The following SIPA1L1 variants were observed in gnomAD, a reference collection of about 807,000 sequenced individuals.
The protein encoded by SIPA1L1 is signal induced proliferation associated 1 like 1.
Under a neutral mutation model 162.7 loss-of-function variants are expected in SIPA1L1, and 26 were observed. That is an observed-to-expected ratio of 0.16 (90% CI 0.12 to 0.22). The LOEUF is 0.22. SIPA1L1 is among the 10% of genes least tolerant of loss of function. SIPA1L1 has a pLI of 1.00. For synonymous variants in SIPA1L1, 829 were observed against 837.4 expected (o/e 0.99, Z 0.17); for missense variants, 1,874 against 2,241.0 (o/e 0.84, Z 3.31).
chr14:71,418,500 C>T (rs1446262275), intron 2 of SIPA1L1, among the ~76,000 whole-genome samples: 2 of 152,136 alleles, frequency 1.3e-5, no homozygotes, highest in Non-Finnish European at 2.9e-5. Context: ...CCCCTACTGT[C>T]CCTATTTGAC....
At chr14:71,333,051 A>G (rs1041550390) in intron 2 of SIPA1L1, among the ~76,000 whole-genome samples, 2 of 152,210 alleles carry the variant, frequency 1.3e-5, no homozygotes, top group African/African-American at 2.4e-5. Flanking sequence ...AAACCAATCA[A>G]CATTTAAACT....
intron 4 of SIPA1L1, among the ~76,000 whole-genome samples, chr14:71,541,220 T>C (rs2054352380): frequency 6.6e-6 from 1 of 152,234 alleles, no homozygotes; most frequent in Admixed American, 6.5e-5. Context: ...GTTAAGTTAG[T>C]TCCTTTATTG....
intron 22 of SIPA1L1, 146 bp from the exon 23 acceptor site, chr14:71,738,095 T>A: frequency 2.1e-6 from 1 of 483,836 alleles, no homozygotes; most frequent in Non-Finnish European, 3.6e-6. Context: ...GTAAAAATAC[T>A]CATTGGGTCG....
At chr14:71,404,616 T>C (rs951318011) in intron 2 of SIPA1L1, among the ~76,000 whole-genome samples, 5 of 152,234 alleles carry the variant, frequency 3.3e-5, no homozygotes, top group South Asian at 2.1e-4. Flanking sequence ...ACTTAAGTTA[T>C]ACATTTTTAT....
chr14:71,712,057 A>G (rs2082911519), intron 17 of SIPA1L1, among the ~76,000 whole-genome samples: 1 of 152,232 alleles, frequency 6.6e-6, no homozygotes. Flanking sequence ...TTGCTATAGA[A>G]AAACTAAAAT....
Position 71,724,630 on chromosome 14 carries a change from G to A in SIPA1L1, c.4449-40G>A. 3 of 1,580,964 alleles carry A rather than the reference G, an allele frequency of 1.9e-6. No individual in the cohort carries two copies. In the South Asian group the frequency reaches 3.5e-5, roughly 18 times the overall value. On this transcript the variant is annotated intron_variant, in intron 18 of 23. Transcript: ENST00000381232. ...CCCATCATGCCCTTGAGCCAGCCTTGTTGAGTTGGTATCTATCATCTCTTC... is the reference window on the plus strand; with the variant it reads ...CCCATCATGCCCTTGAGCCAGCCTTATTGAGTTGGTATCTATCATCTCTTC...
At chr14:71,491,354 A>T (rs554174078) in intron 2 of SIPA1L1, among the ~76,000 whole-genome samples, 1 of 152,048 alleles carries the variant, frequency 6.6e-6, no homozygotes, top group Non-Finnish European at 1.5e-5. Flanking sequence ...AGCCCCTTCT[A>T]TGTGTCAGGC....
At chr14:71,400,867 A>C (rs1410114703) in intron 2 of SIPA1L1, 1 of 152,058 alleles carries the variant, frequency 6.6e-6, no homozygotes, top group Non-Finnish European at 1.5e-5. Flanking sequence ...GTTGGAGTGC[A>C]TATCACTTGA....
chr14:71,534,847 G>T (rs1482092861), intron 4 of SIPA1L1, among the ~76,000 whole-genome samples: 1 of 152,130 alleles, frequency 6.6e-6, no homozygotes, highest in African/African-American at 2.4e-5. Flanking sequence ...AAAGATTTAG[G>T]CCAAGATCCT....
intron 7 of SIPA1L1, among the ~76,000 whole-genome samples, chr14:71,643,284 T>C (rs2041886102): frequency 6.6e-6 from 1 of 152,128 alleles, no homozygotes; most frequent in African/African-American, 2.4e-5. Context: ...AAATAAACAA[T>C]GAACATAGGA....
rs781701435 is a variant in SIPA1L1 at position 71,446,119 on chromosome 14, G to T, written c.-464-66624G>T. On this transcript the variant is annotated intron_variant, in intron 2 of 23. Transcript: ENST00000381232. ...CCACTTTGGCCTCATAAAGTATTGG[G>T]ATTACAGGCATGAGACACCATGCCT... 1.4e-4 allele frequency among the ~76,000 whole-genome samples: 22 copies of T among 152,114 alleles called. 1 individual carries two copies. Among genetic ancestry groups the T allele is most frequent in the Non-Finnish European group, 2.6e-4 (18 of 68,024 alleles).
intron 8 of SIPA1L1, among the ~76,000 whole-genome samples, chr14:71,657,227 A>G (rs1566580736): frequency 6.6e-6 from 1 of 151,900 alleles, no homozygotes; most frequent in Non-Finnish European, 1.5e-5. Context: ...ATGCACTTAT[A>G]GTCCCAGCTA....
chr14:71,614,686 A>G (rs2038626760), intron 5 of SIPA1L1, among the ~76,000 whole-genome samples: 1 of 152,220 alleles, frequency 6.6e-6, no homozygotes, highest in Non-Finnish European at 1.5e-5. Context: ...GTATGAAGAA[A>G]GTGTTGGAAT....
At chr14:71,723,241 A>G (rs1178930417) in intron 17 of SIPA1L1, among the ~76,000 whole-genome samples, 2 of 152,230 alleles carry the variant, frequency 1.3e-5, no homozygotes, top group Non-Finnish European at 2.9e-5. Context: ...GCTTGGTCCC[A>G]GAGAGCATCA....
chr14:71,532,860 T>C (rs1275581594), intron 4 of SIPA1L1, among the ~76,000 whole-genome samples: 3 of 152,254 alleles, frequency 2.0e-5, no homozygotes, highest in Non-Finnish European at 4.4e-5. Flanking sequence ...TATTTTCCTT[T>C]GTGAGAAGGT....
At chr14:71,447,866 G>A (rs1285950205) in intron 2 of SIPA1L1, among the ~76,000 whole-genome samples, 1 of 152,090 alleles carries the variant, frequency 6.6e-6, no homozygotes, top group African/African-American at 2.4e-5. Flanking sequence ...ACCATGCCTG[G>A]CCTACTATTG....
intron 5 of SIPA1L1, among the ~76,000 whole-genome samples, chr14:71,589,861 A>G (rs1024164652): frequency 1.3e-5 from 2 of 151,758 alleles, no homozygotes; most frequent in African/African-American, 4.8e-5. Context: ...TACAGGAAGT[A>G]TTGTGAAAAC....
chr14:71,513,092 G>A (rs1270396969), intron 3 of SIPA1L1, among the ~76,000 whole-genome samples: 2 of 152,096 alleles, frequency 1.3e-5, no homozygotes, highest in African/African-American at 4.8e-5. Context: ...CCTTGGGCAC[G>A]TATTCTCAGG....
chr14:71,398,316 G>A (rs974242335), intron 2 of SIPA1L1: 18 of 152,082 alleles, frequency 1.2e-4, no homozygotes, highest in African/African-American at 4.3e-4. Flanking sequence ...AACTATTTTT[G>A]TGCATAAAAT....
Sources: gnomAD v4.1 joint callset for allele counts (sites outside exome capture counted in the v4.1 genomes callset) on GRCh38, gnomAD v4.1.1 for gene constraint, MANE v1.5 for transcripts, NCBI Gene and HGNC (gene_info 2026-07-23, HGNC 2026-07-21) for gene names.